Variants in FHAD1 observed in about 807,000 individuals in gnomAD.
FHAD1 encodes forkhead-associated domain-containing protein 1.
In FHAD1, 146 loss-of-function variants were observed where a neutral mutation model predicts 191.3. The ratio of observed to expected loss-of-function variants is 0.76; its 90% CI spans 0.67 to 0.88. The LOEUF is 0.88. Ranked by LOEUF, FHAD1 falls within the 40% of genes least tolerant of loss-of-function variation. The probability of loss-of-function intolerance (pLI) is 0.00; values close to 1 mark genes in which losing one functional copy is unlikely to be tolerated. For synonymous variants in FHAD1, 616 were observed against 672.3 expected (o/e 0.92, Z 1.29); for missense variants, 1,635 against 1,785.8 (o/e 0.92, Z 1.52).
chr1:15,308,152 T>C (rs1174720751), intron 6 of FHAD1, among the ~76,000 whole-genome samples: 1 of 152,208 alleles, frequency 6.6e-6, no homozygotes, highest in African/African-American at 2.4e-5. Context: ...AGGAGTAGTG[T>C]CTGTGAGTGG....
At chr1:15,343,570 T>C (rs1007511046) in intron 16 of FHAD1, among the ~76,000 whole-genome samples, 4 of 152,178 alleles carry the variant, frequency 2.6e-5, no homozygotes, top group African/African-American at 9.7e-5. Context: ...CTCCTCCTCC[T>C]TCTTCTCTTT....
intron 14 of FHAD1, among the ~76,000 whole-genome samples, chr1:15,331,684 A>T (rs1270301512): frequency 6.6e-6 from 1 of 150,858 alleles, no homozygotes; most frequent in Non-Finnish European, 1.5e-5. Flanking sequence ...GGAAGGCAGG[A>T]AGGAAGGCAG....
At chr1:15,283,494 G>A (rs1199955612) in intron 3 of FHAD1, among the ~76,000 whole-genome samples, 1 of 152,150 alleles carries the variant, frequency 6.6e-6, no homozygotes, top group Non-Finnish European at 1.5e-5. Flanking sequence ...ATAATTAGGA[G>A]GCTAAGTTTT....
At chr1:15,388,977 C>T (rs992590552) in intron 32 of FHAD1, among the ~76,000 whole-genome samples, 1 of 152,322 alleles carries the variant, frequency 6.6e-6, no homozygotes, top group East Asian at 1.9e-4. Context: ...GGGCTGGGCT[C>T]TGCTCTCCAG....
chr1:15,252,286 G>A (rs752920397), intron 2 of FHAD1, among the ~76,000 whole-genome samples: 4 of 152,206 alleles, frequency 2.6e-5, no homozygotes, highest in Non-Finnish European at 5.9e-5. Flanking sequence ...TACAGAGCCC[G>A]GCCGCCCTGT....
intron 28 of FHAD1, among the ~76,000 whole-genome samples, chr1:15,378,323 G>A (rs1213829135): frequency 6.6e-6 from 1 of 152,144 alleles, no homozygotes; most frequent in Non-Finnish European, 1.5e-5. Flanking sequence ...GAAAAATTAA[G>A]GCTTCAGAAG....
chr1:15,246,612 A>T (rs1240929755), upstream of FHAD1, among the ~76,000 whole-genome samples: 1 of 152,184 alleles, frequency 6.6e-6, no homozygotes, highest in Non-Finnish European at 1.5e-5. Flanking sequence ...TGTGACACTC[A>T]TAGGACTCAA....
intron 20 of FHAD1, among the ~76,000 whole-genome samples, chr1:15,355,723 A>G (rs940306014): frequency 2.0e-5 from 3 of 152,206 alleles, no homozygotes; most frequent in Admixed American, 6.5e-5. Context: ...GGTCTGCATG[A>G]GGTCCTCCGT....
chr1:15,357,428 G>T (rs1693185702), intron 20 of FHAD1, among the ~76,000 whole-genome samples: 2 of 152,058 alleles, frequency 1.3e-5, no homozygotes, highest in East Asian at 1.9e-4. Context: ...ATCGAGACCA[G>T]CCTGGCCAAC....
intron 33 of FHAD1, among the ~76,000 whole-genome samples, chr1:15,392,456 T>C (rs945866587): frequency 3.9e-5 from 6 of 151,934 alleles, no homozygotes; most frequent in East Asian, 1.9e-4. Flanking sequence ...GGTGTGAACC[T>C]GGGAGGCGGA....
chr1:15,280,656 C>G (rs1280822656), intron 3 of FHAD1, among the ~76,000 whole-genome samples: 7 of 152,142 alleles, frequency 4.6e-5, no homozygotes, highest in Non-Finnish European at 1.0e-4. Flanking sequence ...GCCACATCGC[C>G]GCTTTTCCTA....
rs372318702 is a variant in FHAD1 at position 15,391,432 on chromosome 1, A to C, written c.4323+169A>C. ...ATAGTCTCGATCTTCTGACCTTGTAATCTGCCTGCCTCGGCCTCCCAAAGC... is the reference window on the plus strand; with the variant it reads ...ATAGTCTCGATCTTCTGACCTTGTACTCTGCCTGCCTCGGCCTCCCAAAGC... On this transcript the variant is annotated intron_variant, in intron 33 of 33. Transcript: ENST00000688493. Among the ~76,000 whole-genome samples the C allele has an allele frequency of 5.9e-5, 9 of 152,228 alleles. No homozygotes were observed. In the South Asian group the frequency reaches 1.7e-3, roughly 28 times the overall value.
chr1:15,237,481 T>G (rs889771206), intron 1 of FHAD1, among the ~76,000 whole-genome samples: 1 of 152,034 alleles, frequency 6.6e-6, no homozygotes. Flanking sequence ...TCAAAGCCCT[T>G]CCTGACCCCA....
At chr1:15,251,977 C>A in intron 2 of FHAD1, 100 bp downstream of exon 2, 1 of 977,692 alleles carries the variant, frequency 1.0e-6, no homozygotes, top group Non-Finnish European at 1.5e-6. Context: ...TCTTGTACAC[C>A]ACAACCTGGG....
chr1:15,277,336 G>C (rs775580899), intron 3 of FHAD1, among the ~76,000 whole-genome samples: 1 of 152,184 alleles, frequency 6.6e-6, no homozygotes, highest in Admixed American at 6.5e-5. Flanking sequence ...TTTGGAGTAC[G>C]ATAGACTGAA....
In FHAD1 at chr1:15,362,675, T is replaced by G. The variant is rs913885017; in HGVS notation, c.2996T>G (p.Val999Gly). 1.9e-6 allele frequency: 3 copies of G among 1,551,828 alleles called. No individual in the cohort carries two copies. The change falls in exon 23 of 34, where the codon GTG becomes GGG. Residue 999 changes from valine to glycine, a missense_variant. Physicochemically the swap from Val to Gly is moderately radical, Grantham distance 109. Transcript: ENST00000688493. ...GAGGAAAGGCCGCAAGACCCTCTGGTGGCTCCCATGACAGAGAGCAGTGCC... is the reference window on the plus strand; with the variant it reads ...GAGGAAAGGCCGCAAGACCCTCTGGGGGCTCCCATGACAGAGAGCAGTGCC... ...PKEERPQDPL[V>G]APMTESSAKD...
chr1:15,372,200 A>C (rs994118809), intron 26 of FHAD1, among the ~76,000 whole-genome samples: 2 of 150,140 alleles, frequency 1.3e-5, no homozygotes, highest in Non-Finnish European at 3.0e-5. Flanking sequence ...GCAGAGCCAG[A>C]AGGAAGGAAG....
chr1:15,315,728 T>C (rs7533373), intron 8 of FHAD1, among the ~76,000 whole-genome samples: 58,986 of 151,764 alleles, frequency 0.39, 11,727 homozygotes, highest in South Asian at 0.54. Context: ...CCTCATGATC[T>C]GCCCACCTCG....
intron 3 of FHAD1, among the ~76,000 whole-genome samples, chr1:15,285,394 G>A (rs764444638): frequency 1.2e-4 from 18 of 152,138 alleles, no homozygotes; most frequent in Non-Finnish European, 1.9e-4. Context: ...TTAGCTGGGC[G>A]TGGTGGCACA....
Sources: allele counts gnomAD v4.1 joint callset (sites outside exome capture counted in the v4.1 genomes callset), GRCh38; gene constraint gnomAD v4.1.1; transcripts MANE v1.5; gene names NCBI Gene and HGNC (gene_info 2026-07-23, HGNC 2026-07-21).